The following DAPK2 variants were observed in gnomAD, a reference collection of about 807,000 sequenced individuals.
DAPK2 encodes the protein death-associated protein kinase 2.
A neutral mutation model predicts 44.1 loss-of-function variants in DAPK2; 35 were observed. The observed-to-expected ratio is 0.79, with a 90% confidence interval of 0.61 to 1.05. The LOEUF is 1.05. DAPK2 is among the 50% of genes least tolerant of loss of function. The pLI is 0.00. For synonymous variants in DAPK2, 174 were observed against 182.6 expected (o/e 0.95, Z 0.38); for missense variants, 453 against 483.2 (o/e 0.94, Z 0.59).
chr15:63,981,956 CTAT>C (rs1214056808), intron 2 of DAPK2, among the ~76,000 whole-genome samples: 43 of 152,140 alleles, frequency 2.8e-4, no homozygotes, highest in Admixed American at 2.8e-3. Flanking sequence ...CTACTTAAAT[CTAT>C]ATCCTGCCAA....
chr15:63,983,490 C>T (rs1413884737), intron 2 of DAPK2, 43 bp downstream of exon 3: 1 of 1,587,124 alleles, frequency 6.3e-7, no homozygotes, highest in Non-Finnish European at 8.6e-7. Flanking sequence ...TCTGCCTGCC[C>T]CTGCTGCCCC....
At chr15:64,018,720 C>T (rs2079603022) in intron 1 of DAPK2, among the ~76,000 whole-genome samples, 1 of 152,238 alleles carries the variant, frequency 6.6e-6, no homozygotes, top group African/African-American at 2.4e-5. Flanking sequence ...CCAGCTTTTA[C>T]ACCTGGGGCT....
chr15:63,958,641 T>A (rs1451834404), intron 3 of DAPK2, among the ~76,000 whole-genome samples: 1 of 152,222 alleles, frequency 6.6e-6, no homozygotes, highest in Non-Finnish European at 1.5e-5. Flanking sequence ...TTTTGTCAGG[T>A]TTGTCAAAGA....
In DAPK2 at chr15:63,938,470, T is replaced by C. The variant is rs569646304; in HGVS notation, c.583+762A>G. 2.6e-5 allele frequency among the ~76,000 whole-genome samples: 4 copies of C among 152,380 alleles called. No individual in the cohort carries two copies. In the East Asian group the frequency reaches 5.8e-4, roughly 22 times the overall value. On this transcript the variant is annotated intron_variant, in intron 4 of 10. Coordinates refer to ENST00000261891, the Ensembl canonical transcript of DAPK2. ...CTGAAAATCCACCAGGTGGTTGGTC[T>C]GACACATTCTTTCTTTTTTATTTGA...
Position 63,912,346 on chromosome 15 carries a change from T to A in DAPK2, c.859-149A>T. 2 of 713,546 alleles carry A rather than the reference T, an allele frequency of 2.8e-6. No individual in the cohort carries two copies. The highest frequency in any genetic ancestry group is 2.7e-5 in the East Asian group (1 of 37,262). 44.2% of individuals were successfully genotyped at this position (713,546 alleles called of 1,614,324 possible). A position where few individuals can be genotyped will look rare whatever the true frequency, so the allele number is the denominator to read the frequency against. The stretch of plus-strand genomic sequence containing the variant: ...CCAGGTGGGGCACACCGTGGGAGCA[T>A]CACAGTCAGGGCAACAGCTACACAT... On this transcript the variant is annotated intron_variant, in intron 8 of 10. Coordinates refer to ENST00000261891, the Ensembl canonical transcript of DAPK2. The surrounding 1 kb of genome is among the most constrained non-coding windows in gnomAD (Gnocchi z 4.4).
intron 3 of DAPK2, among the ~76,000 whole-genome samples, chr15:63,946,326 A>C (rs895065102): frequency 2.0e-5 from 3 of 152,224 alleles, no homozygotes; most frequent in Admixed American, 1.3e-4. Context: ...CAGGATGAAG[A>C]CACCCTTGGG....
intron 1 of DAPK2, among the ~76,000 whole-genome samples, chr15:64,000,101 T>C (rs1188008224): frequency 2.0e-5 from 3 of 152,046 alleles, no homozygotes; most frequent in Non-Finnish European, 4.4e-5. Context: ...AGATGTTTAA[T>C]GTACAGAATA....
At chr15:63,911,763 T>G in intron 10 of DAPK2, 145 bp downstream of exon 11, 1 of 813,136 alleles carries the variant, frequency 1.2e-6, no homozygotes, top group South Asian at 1.6e-5. Context: ...ACTTCAGCCT[T>G]CAGGGAAGAG....
At chr15:63,929,490 C>T in intron 6 of DAPK2, 61 bp downstream of exon 7, 1 of 1,606,310 alleles carries the variant, frequency 6.2e-7, no homozygotes, top group Non-Finnish European at 8.5e-7. Context: ...GCCCCTCTCT[C>T]ATTCCTTCTG....
intron 6 of DAPK2, among the ~76,000 whole-genome samples, chr15:63,929,251 T>A (rs1178084906): frequency 6.7e-6 from 1 of 149,818 alleles, no homozygotes; most frequent in Non-Finnish European, 1.5e-5. Flanking sequence ...CCAGTATACC[T>A]CAGTCTGGGG....
At chr15:63,957,531 G>A (rs573574434) in intron 3 of DAPK2, among the ~76,000 whole-genome samples, 41 of 115,408 alleles carry the variant, frequency 3.6e-4, no homozygotes, top group Non-Finnish European at 5.6e-4. Flanking sequence ...GACAGGCCCC[G>A]GTGTGTGATG....
At chr15:63,968,637 T>C (rs1236361819) in intron 3 of DAPK2, among the ~76,000 whole-genome samples, 1 of 152,234 alleles carries the variant, frequency 6.6e-6, no homozygotes, top group Non-Finnish European at 1.5e-5. Context: ...ACCTATTCCA[T>C]ATCTGGCACT....
intron 6 of DAPK2, among the ~76,000 whole-genome samples, chr15:63,927,811 G>A (rs1399090698): frequency 6.6e-6 from 1 of 151,314 alleles, no homozygotes; most frequent in Non-Finnish European, 1.5e-5. Flanking sequence ...TGCTACTACA[G>A]CTCACTGCAA....
intron 6 of DAPK2, among the ~76,000 whole-genome samples, chr15:63,927,743 A>ATTT (rs56346248): frequency 1.1e-4 from 16 of 146,490 alleles, no homozygotes; most frequent in Non-Finnish European, 1.8e-4. Context: ...CTGGGATTCC[A>ATTT]TTTTTTTTTT....
In DAPK2 at chr15:63,939,243, G is replaced by A. The variant is rs768038957; in HGVS notation, c.572C>T (p.Pro191Leu). 1.8e-5 allele frequency: 29 copies of A among 1,613,638 alleles called. No individual in the cohort carries two copies. Among genetic ancestry groups the A allele is most frequent in the Middle Eastern group, 1.6e-4 (1 of 6,082 alleles). The change falls in exon 4 of 11, where the codon CCG (proline) becomes CTG (leucine). Residue 191 changes from proline (P) to leucine (L), a missense_variant. Coordinates refer to ENST00000261891, the Ensembl canonical transcript of DAPK2. This position sits in a 1 kb window ranked among gnomAD's most constrained non-coding sequence, Gnocchi z 4.3. Reference sequence around the variant, plus strand: ...GGCCTACAACTCACCAACAAATTCCGGCGTCCCAAAAATATTCTTAAATTC... The same window carrying A: ...GGCCTACAACTCACCAACAAATTCCAGCGTCCCAAAAATATTCTTAAATTC...
chr15:64,001,932 CT>C (rs957918673), intron 1 of DAPK2, among the ~76,000 whole-genome samples: 92 of 152,332 alleles, frequency 6.0e-4, no homozygotes, highest in African/African-American at 1.9e-3. Context: ...TGAAAATTTG[CT>C]TTCCTACCTT....
At position 63,923,321 on chromosome 15, in the gene DAPK2, G is replaced by T. The variant is rs1203753219; in HGVS notation, c.858+1495C>A. The T allele has an allele frequency of 3.3e-6, 5 of 1,535,570 alleles. No individual in the cohort carries two copies. The African/African-American group carries it at 5.5e-5, about 17-fold the overall frequency. On this transcript the variant is annotated intron_variant, in intron 8 of 10. Coordinates refer to ENST00000261891, the Ensembl canonical transcript of DAPK2. This position sits in a 1 kb window ranked among gnomAD's most constrained non-coding sequence, Gnocchi z 4.2. ...GGTGGGCTCTGTCTTCCGCTGTTCA[G>T]GGGCTCTGCCTTCTCCTTTTGACTG...
At chr15:63,945,888 A>G (rs1462965408) in intron 3 of DAPK2, among the ~76,000 whole-genome samples, 1 of 152,242 alleles carries the variant, frequency 6.6e-6, no homozygotes, top group African/African-American at 2.4e-5. Context: ...GCCCCAGGTC[A>G]GGAAGAACAG....
At chr15:64,019,205 C>T (rs1005896984) in intron 1 of DAPK2, among the ~76,000 whole-genome samples, 1 of 152,250 alleles carries the variant, frequency 6.6e-6, no homozygotes, top group African/African-American at 2.4e-5. Context: ...GACCTGCCCA[C>T]CTCTGGGCCA....
Sources: gnomAD v4.1 joint callset for allele counts (sites outside exome capture counted in the v4.1 genomes callset) on GRCh38, gnomAD v4.1.1 for gene constraint, Gnocchi (gnomAD v3.1) non-coding constraint, MANE v1.5 for transcripts, NCBI Gene and HGNC (gene_info 2026-07-23, HGNC 2026-07-21) for gene names.